Variants in CNGB3 observed in about 807,000 individuals in gnomAD.
The protein encoded by CNGB3 is cyclic nucleotide gated channel subunit beta 3.
Under a neutral mutation model 92.8 loss-of-function variants are expected in CNGB3, and 86 were observed. The ratio of observed to expected loss-of-function variants is 0.93; its 90% confidence interval spans 0.78 to 1.11. The LOEUF (loss-of-function observed/expected upper bound fraction) is 1.11. CNGB3 is among the 50% of genes least tolerant of loss of function. The pLI is 0.00. For synonymous variants in CNGB3, 333 were observed against 332.7 expected (o/e 1.00, Z -0.01); for missense variants, 1,026 against 956.8 (o/e 1.07, Z -0.95).
In CNGB3 at chr8:86,591,883, G is replaced by C. The variant is rs1313385542; in HGVS notation, c.1781+12210C>G. ...TGGGCTCCACCCAGTTCGAGCTTCT[G>C]GGCTGCTTTGTTTACCTAAGCAAGC... is the stretch of plus-strand genomic sequence containing the variant. On this transcript the variant is annotated intron_variant, in intron 15 of 17. Transcript: ENST00000320005. Among the ~76,000 whole-genome samples, 7 of 152,154 alleles carry C rather than the reference G, an allele frequency of 4.6e-5. No individual in the cohort carries two copies. In the East Asian group the frequency reaches 1.4e-3, roughly 29 times the overall value.
At chr8:86,718,893 C>T (rs1824912902) in intron 3 of CNGB3, among the ~76,000 whole-genome samples, 2 of 151,948 alleles carry the variant, frequency 1.3e-5, no homozygotes, top group Non-Finnish European at 2.9e-5. Flanking sequence ...TGTGATACAT[C>T]ACATAAACGG....
At chr8:86,743,441 T>C in intron 1 of CNGB3, 58 bp downstream of exon 1, 1 of 1,600,480 alleles carries the variant, frequency 6.2e-7, no homozygotes, top group Non-Finnish European at 8.6e-7. Context: ...GATTAAATGC[T>C]ATTACCAGAT....
chr8:86,724,280 C>T (rs979477151), intron 3 of CNGB3, among the ~76,000 whole-genome samples: 1 of 152,102 alleles, frequency 6.6e-6, no homozygotes, highest in African/African-American at 2.4e-5. Context: ...GATTTGAGAG[C>T]TTTACAGCCT....
In CNGB3 at chr8:86,671,054, G is replaced by T. The variant is rs867058703; in HGVS notation, c.383C>A (p.Ala128Asp). The T allele has an allele frequency of 6.2e-7, 1 of 1,613,808 alleles. No homozygotes were observed. Among genetic ancestry groups the T allele is most frequent in the Non-Finnish European group, 8.5e-7 (1 of 1,180,018 alleles). ...CACCAGGTTGTGTAGCTGGGCATCG[G>T]CATACTCATTTATAACAGGAGCTGC... is the stretch of plus-strand genomic sequence containing the variant. ...PPAAPVINEY[A>D]DAQLHNLVKR... The change falls in exon 4 of 18, where the codon GCC becomes GAC. Residue 128 changes from alanine (A) to aspartate (D), a missense_variant. Physicochemically the swap from Ala to Asp is moderately radical, Grantham distance 126 (BLOSUM62 -2). Coordinates refer to ENST00000320005, the MANE Select transcript of CNGB3 (RefSeq NM_019098.5).
At chr8:86,723,013 C>A (rs1484214315) in intron 3 of CNGB3, among the ~76,000 whole-genome samples, 2 of 152,050 alleles carry the variant, frequency 1.3e-5, no homozygotes, top group Non-Finnish European at 2.9e-5. Context: ...CCTGTTGGTT[C>A]TATTTCTGTG....
At chr8:86,621,631 C>T (rs1259973016) in intron 13 of CNGB3, among the ~76,000 whole-genome samples, 2 of 152,066 alleles carry the variant, frequency 1.3e-5, no homozygotes, top group Non-Finnish European at 2.9e-5. Flanking sequence ...TTATCCTTCA[C>T]CCCCCTTCCC....
intron 15 of CNGB3, among the ~76,000 whole-genome samples, chr8:86,594,867 C>T (rs751605314): frequency 6.6e-6 from 1 of 152,104 alleles, no homozygotes; most frequent in African/African-American, 2.4e-5. Context: ...TGCCACCACG[C>T]CCAGCTAATT....
chr8:86,665,404 A>G lies in CNGB3; in HGVS notation c.852+1521T>C, dbSNP rs911751253. On this transcript the variant is annotated intron_variant, in intron 6 of 17. Coordinates refer to ENST00000320005, the MANE Select transcript of CNGB3 (RefSeq NM_019098.5). ...AACAGACCTACCATTTGACCCAGCA[A>G]TCCCATTACTGGGTATATATCCAAA... 2.6e-5 allele frequency among the ~76,000 whole-genome samples: 4 copies of G among 152,210 alleles called. No homozygotes were observed. The East Asian group carries it at 7.7e-4, about 29-fold the overall frequency.
At position 86,575,369 on chromosome 8, in the gene CNGB3, C is replaced by T. The variant is rs964834349; in HGVS notation, c.*435G>A. On this transcript the variant is annotated 3_prime_UTR_variant, in exon 18 of 18. Transcript: ENST00000320005. ...TTACATTAAAATCTTATACCCTTTA[C>T]ATGTAAGAGGTGAAATTCATAAACC... 6.4e-6 allele frequency: 1 copy of T among 156,222 alleles called. No homozygotes were observed. 9.7% of individuals were successfully genotyped at this position (156,222 alleles called of 1,614,324 possible). A position where few individuals can be genotyped will look rare whatever the true frequency, so the allele number is the denominator to read the frequency against.
chr8:86,590,435 C>CTTCCTAGTGTT, intron 15 of CNGB3, among the ~76,000 whole-genome samples: 1 of 151,440 alleles, frequency 6.6e-6, no homozygotes, highest in East Asian at 1.9e-4. Context: ...TTCCTAGTCT[C>CTTCCTAGTGTT]GATGGTCTTT....
chr8:86,658,944 A>G, intron 6 of CNGB3: 3 of 1,059,090 alleles, frequency 2.8e-6, no homozygotes, highest in South Asian at 2.6e-5. Context: ...CTCTCGGTTC[A>G]GGAGACTCAA....
At chr8:86,632,218 A>G (rs1822976723) in intron 11 of CNGB3, among the ~76,000 whole-genome samples, 1 of 151,124 alleles carries the variant, frequency 6.6e-6, no homozygotes, top group Non-Finnish European at 1.5e-5. Flanking sequence ...AAAAAAAAAA[A>G]AGGGCTCTAT....
chr8:86,710,288 C>T (rs1262114308), intron 3 of CNGB3, among the ~76,000 whole-genome samples: 1 of 152,136 alleles, frequency 6.6e-6, no homozygotes, highest in Non-Finnish European at 1.5e-5. Context: ...AAGTTATCTC[C>T]CACTAGGTGG....
chr8:86,712,189 T>C lies in CNGB3; in HGVS notation c.338+14342A>G, dbSNP rs1456685870. On this transcript the variant is annotated intron_variant, in intron 3 of 17. Transcript: ENST00000320005. ...CGTTATCAACCCCAAAATAAAATTA[T>C]CAGTCATCAGAGAAAGTGGCAATGA... Among the ~76,000 whole-genome samples the C allele has an allele frequency of 5.9e-5, 9 of 152,266 alleles. No homozygotes were observed. The East Asian group carries it at 1.5e-3, about 26-fold the overall frequency.
At chr8:86,611,713 G>T (rs1324009996) in intron 13 of CNGB3, 42 bp from the exon 14 acceptor site, 1 of 1,330,702 alleles carries the variant, frequency 7.5e-7, no homozygotes, top group Non-Finnish European at 1.1e-6. Flanking sequence ...ACAACTAAAG[G>T]CCAATATTCC....
intron 10 of CNGB3, among the ~76,000 whole-genome samples, chr8:86,642,585 A>G (rs1338895811): frequency 1.3e-5 from 2 of 151,714 alleles, no homozygotes; most frequent in African/African-American, 4.8e-5. Flanking sequence ...CCAAGGCTGC[A>G]GTGAGTTGCC....
intron 13 of CNGB3, among the ~76,000 whole-genome samples, chr8:86,624,158 C>A (rs1238433918): frequency 6.6e-6 from 1 of 152,200 alleles, no homozygotes; most frequent in Admixed American, 6.5e-5. Context: ...GTGGCTCATG[C>A]CTGTAATTCC....
rs182082446 is a variant in CNGB3, at chr8:86,741,984, T to A, written c.129+1515A>T. Reference sequence around the variant, plus strand: ...CTCAGGTGCTGAATTCAGATAGGACTTGGTTCCAATCCAGGCTCTGCCATT... The same window carrying A: ...CTCAGGTGCTGAATTCAGATAGGACATGGTTCCAATCCAGGCTCTGCCATT... On this transcript the variant is annotated intron_variant, in intron 1 of 17. Transcript: ENST00000320005. Among the ~76,000 whole-genome samples the A allele has an allele frequency of 2.6e-4, 39 of 152,332 alleles. No homozygotes were observed. The East Asian group carries it at 7.3e-3, about 29-fold the overall frequency.
intron 3 of CNGB3, among the ~76,000 whole-genome samples, chr8:86,687,017 T>A (rs1824199844): frequency 6.6e-6 from 1 of 152,046 alleles, no homozygotes; most frequent in Non-Finnish European, 1.5e-5. Context: ...CATAGTAAAG[T>A]CATCTCTGAA....
Sources: gnomAD v4.1 joint callset for allele counts (sites outside exome capture counted in the v4.1 genomes callset) on GRCh38, gnomAD v4.1.1 for gene constraint, MANE v1.5 for transcripts, NCBI Gene and HGNC (gene_info 2026-07-23, HGNC 2026-07-21) for gene names.